Variants in PAK3 observed in about 807,000 individuals in gnomAD.
The protein encoded by PAK3 is serine/threonine-protein kinase PAK 3.
In PAK3, 4 loss-of-function variants were observed where a neutral mutation model predicts 41.0. That is an observed-to-expected ratio of 0.10 (90% CI 0.05 to 0.22). PAK3 has a LOEUF of 0.22. PAK3 is among the 10% of genes least tolerant of loss of function. The pLI, the probability that PAK3 is intolerant of heterozygous loss-of-function variation, is 1.00. For missense variants in PAK3, 205 were observed against 409.9 expected (o/e 0.50, Z 4.32); for synonymous variants, 146 against 139.6 (o/e 1.05, Z -0.32).
chrX:111,020,520 G>A (rs2092161128), intron 1 of PAK3, among the ~76,000 whole-genome samples: 1 of 111,415 alleles, frequency 9.0e-6, no homozygotes, highest in Non-Finnish European at 1.9e-5. Context: ...GGAGGATTAA[G>A]ATGGCAGATA....
chrX:110,989,535 A>G lies in PAK3; in HGVS notation c.-28+44907A>G, dbSNP rs190878379. On this transcript the variant is annotated intron_variant, in intron 1 of 14. Coordinates refer to the PAK3 transcript ENST00000425146. ...TCGGTTACCAGTTCATAGAAAATTT[A>G]AATACTATTTGCACCAAAGAAAATA... Among the ~76,000 whole-genome samples, 244 of 112,124 alleles carry G rather than the reference A, an allele frequency of 2.2e-3. 2 individuals carry two copies. The highest frequency in any genetic ancestry group is 4.0e-3 in the Non-Finnish European group (214 of 53,265).
intron 1 of PAK3, among the ~76,000 whole-genome samples, chrX:110,999,201 C>T (rs182226718): frequency 1.8e-5 from 2 of 111,732 alleles, no homozygotes; most frequent in East Asian, 2.8e-4. Context: ...TCCCAGCCTG[C>T]TCTTACTTGC....
At chrX:111,005,652 T>G (rs2091911637) in intron 1 of PAK3, among the ~76,000 whole-genome samples, 1 of 111,309 alleles carries the variant, frequency 9.0e-6, no homozygotes, top group Non-Finnish European at 1.9e-5. Flanking sequence ...GAAGAGAAAT[T>G]TGGCCCTTAT....
chrX:111,087,520 T>C (rs1018593383), intron 1 of PAK3, among the ~76,000 whole-genome samples: 1 of 110,188 alleles, frequency 9.1e-6, no homozygotes, highest in Admixed American at 9.7e-5. Flanking sequence ...ACATCTTCCA[T>C]GGTCAGCCAA....
intron 1 of PAK3, among the ~76,000 whole-genome samples, chrX:110,945,853 G>A (rs752065718): frequency 3.6e-5 from 4 of 111,865 alleles, no homozygotes; most frequent in Non-Finnish European, 7.5e-5. Context: ...TTTATTTGTG[G>A]TTTTAATAAA....
At chrX:111,089,272 G>A (rs1429251290) in intron 1 of PAK3, among the ~76,000 whole-genome samples, 4 of 112,221 alleles carry the variant, frequency 3.6e-5, no homozygotes, top group Admixed American at 9.4e-5. Flanking sequence ...CTTTGTGTAA[G>A]TCTTAAACTA....
chrX:111,121,012 A>C (rs2093559434), intron 4 of PAK3, among the ~76,000 whole-genome samples: 1 of 112,212 alleles, frequency 8.9e-6, no homozygotes, highest in African/African-American at 3.2e-5. Flanking sequence ...TAGAAGGACC[A>C]AAAGTCAAAA....
chrX:111,073,241 G>A (rs919659771), intron 1 of PAK3, among the ~76,000 whole-genome samples: 3 of 111,383 alleles, frequency 2.7e-5, no homozygotes, highest in Non-Finnish European at 5.6e-5. Flanking sequence ...CTATTAAGAG[G>A]GAAGCTGATA....
chrX:111,038,497 G>A (rs761732840), intron 1 of PAK3, among the ~76,000 whole-genome samples: 66 of 111,861 alleles, frequency 5.9e-4, no homozygotes, highest in African/African-American at 2.1e-3. Context: ...AGTATAATGA[G>A]GTGTATGGGA....
intron 11 of PAK3, among the ~76,000 whole-genome samples, chrX:111,177,484 G>A (rs888889003): frequency 3.6e-5 from 4 of 111,613 alleles, no homozygotes; most frequent in African/African-American, 9.8e-5. Context: ...GCTGTGAAAA[G>A]TGTTCTATAA....
At chrX:111,160,685 C>A (rs1370700007) in intron 8 of PAK3, among the ~76,000 whole-genome samples, 1 of 109,800 alleles carries the variant, frequency 9.1e-6, no homozygotes, top group African/African-American at 3.3e-5. Context: ...TCTCATTGTT[C>A]AATTCCCACC....
At chrX:111,018,868 T>C (rs1169276316) in intron 1 of PAK3, among the ~76,000 whole-genome samples, 1 of 111,458 alleles carries the variant, frequency 9.0e-6, no homozygotes, top group African/African-American at 3.3e-5. Flanking sequence ...AATCAAAATA[T>C]TGTGGCACTG....
chrX:110,989,309 T>A (rs746909323), intron 1 of PAK3, among the ~76,000 whole-genome samples: 1 of 112,267 alleles, frequency 8.9e-6, no homozygotes, highest in Non-Finnish European at 1.9e-5. Flanking sequence ...ATGGTACTTA[T>A]CATACAACTT....
At chrX:111,207,098 GTATATA>G (rs1556312650) in intron 16 of PAK3, among the ~76,000 whole-genome samples, 1 of 103,090 alleles carries the variant, frequency 9.7e-6, no homozygotes, top group Admixed American at 1.1e-4. Context: ...GTGTGTGTGT[GTATATA>G]TATATACATA....
intron 1 of PAK3, among the ~76,000 whole-genome samples, chrX:110,963,323 A>C (rs1042229374): frequency 2.7e-5 from 3 of 112,079 alleles, no homozygotes; most frequent in African/African-American, 9.7e-5. Context: ...CATGGGAACT[A>C]ATTCCCAGTG....
intron 1 of PAK3, among the ~76,000 whole-genome samples, chrX:110,961,370 C>A (rs1350618389): frequency 9.0e-6 from 1 of 111,714 alleles, no homozygotes; most frequent in Non-Finnish European, 1.9e-5. Flanking sequence ...AACCAACCTG[C>A]ACCACCCTCC....
intron 5 of PAK3, among the ~76,000 whole-genome samples, chrX:111,136,073 G>A (rs1603288956): frequency 1.8e-5 from 2 of 110,583 alleles, no homozygotes; most frequent in African/African-American, 6.6e-5. Flanking sequence ...TCATAGGGGC[G>A]GGAGAGAAAG....
At chrX:111,163,497 T>C in intron 9 of PAK3, 65 bp from the exon 10 acceptor site, 1 of 782,149 alleles carries the variant, frequency 1.3e-6, no homozygotes, top group East Asian at 3.2e-5. Flanking sequence ...GATATTACAA[T>C]ACATTGACTC....
intron 1 of PAK3, among the ~76,000 whole-genome samples, chrX:110,987,152 G>A (rs910645869): frequency 3.6e-5 from 4 of 111,981 alleles, no homozygotes; most frequent in Non-Finnish European, 7.5e-5. Flanking sequence ...ACTAGTGGCT[G>A]GTGGCATTTA....
Sources: allele counts gnomAD v4.1 joint callset (sites outside exome capture counted in the v4.1 genomes callset), GRCh38; gene constraint gnomAD v4.1.1; transcripts MANE v1.5; gene names NCBI Gene and HGNC (gene_info 2026-07-23, HGNC 2026-07-21).